Variants in SSBP1 observed in about 807,000 individuals in gnomAD.
The protein encoded by SSBP1 is single stranded DNA binding protein 1, also known as single-stranded DNA-binding protein, mitochondrial.
SSBP1 carries 20 observed loss-of-function variants against 27.0 expected under a neutral mutation model. The ratio of observed to expected loss-of-function variants is 0.74; its 90% CI spans 0.52 to 1.08. The LOEUF (loss-of-function observed/expected upper bound fraction) is 1.08, where lower values mean the gene tolerates loss of function less well. Ranked by LOEUF, SSBP1 falls within the 50% of genes least tolerant of loss-of-function variation. SSBP1 has a pLI of 0.00. For synonymous variants in SSBP1, 59 were observed against 59.3 expected (o/e 1.00, Z 0.02); for missense variants, 137 against 182.4 (o/e 0.75, Z 1.44).
chr7:141,738,625 G>A, intron 1 of SSBP1: 1 of 152,640 alleles, frequency 6.6e-6, no homozygotes, highest in Non-Finnish European at 1.5e-5. Context: ...CTATGGTGTG[G>A]CTGGCTAGCC....
At chr7:141,745,613 T>C in intron 6 of SSBP1, 29 bp downstream of exon 6, 1 of 1,612,434 alleles carries the variant, frequency 6.2e-7, no homozygotes, top group Non-Finnish European at 8.5e-7. Flanking sequence ...TAGCTGTTTT[T>C]TTCTTTTTCT....
At chr7:141,743,350 T>C (rs1274123561) in intron 3 of SSBP1, among the ~76,000 whole-genome samples, 2 of 152,238 alleles carry the variant, frequency 1.3e-5, no homozygotes, top group African/African-American at 4.8e-5. Context: ...TGTCTTCATA[T>C]GGTAGAGACA....
chr7:141,739,117 C>G lies in SSBP1; in HGVS notation c.-43-7C>G. The G allele has an allele frequency of 6.5e-7, 1 of 1,532,530 alleles. No individual in the cohort carries two copies. Among genetic ancestry groups the G allele is most frequent in the African/African-American group, 1.4e-5 (1 of 71,532 alleles). The allele number at this position is 1,532,530 out of a possible 1,614,324, so 94.9% of individuals were successfully genotyped here. A position where few individuals can be genotyped will look rare whatever the true frequency, so the allele number is the denominator to read the frequency against. On this transcript the variant is annotated splice_region_variant and splice_polypyrimidine_tract_variant and intron_variant, in intron 1 of 6. Transcript: ENST00000265304. Reference sequence around the variant, plus strand: ...TGTTTTTTTCTTATTTTGTTTTTTTCCTTCAGGAAAAGCCTAAAGATTAGA... The same window carrying G: ...TGTTTTTTTCTTATTTTGTTTTTTTGCTTCAGGAAAAGCCTAAAGATTAGA...
At position 141,745,650 on chromosome 7, in the gene SSBP1, C is replaced by T. The variant is rs750782813; in HGVS notation, c.403+66C>T. ...CTTTTCTTTTTTAAAAGCTTGGCTA[C>T]ACTGTAACTAACTAGGGTTAAGAGT... On this transcript the variant is annotated intron_variant, in intron 6 of 6. Transcript: ENST00000265304. 4 of 1,596,060 alleles carry T rather than the reference C, an allele frequency of 2.5e-6. No homozygotes were observed. The South Asian group carries it at 4.5e-5, about 18-fold the overall frequency.
intron 5 of SSBP1, among the ~76,000 whole-genome samples, chr7:141,745,216 C>T (rs992257614): frequency 2.0e-5 from 3 of 152,072 alleles, no homozygotes; most frequent in Non-Finnish European, 2.9e-5. Flanking sequence ...TAAATGTTGC[C>T]ACTAAATTTC....
intron 2 of SSBP1, chr7:141,741,851 G>C: frequency 9.9e-7 from 1 of 1,006,190 alleles, no homozygotes; most frequent in South Asian, 4.6e-5. Context: ...ATACTATTTT[G>C]ATTTTTCCTT....
In SSBP1 at chr7:141,739,116, TC is replaced by T. The variant is rs1799406774; in HGVS notation, c.-43-6del. ...ATGTTTTTTTCTTATTTTGTTTTTT[TC>T]CTTCAGGAAAAGCCTAAAGATTAGA... On this transcript the variant is annotated splice_polypyrimidine_tract_variant and splice_region_variant and intron_variant, in intron 1 of 6. Coordinates refer to ENST00000265304, the MANE Select transcript of SSBP1 (RefSeq NM_003143.3). 3 of 1,537,920 alleles carry T rather than the reference TC, an allele frequency of 2.0e-6. No individual in the cohort carries two copies. The highest frequency in any genetic ancestry group is 1.9e-4 in the Middle Eastern group (1 of 5,238).
At chr7:141,738,999 G>A (rs1799399406) in intron 1 of SSBP1, 125 bp from the exon 2 acceptor site, 2 of 515,468 alleles carry the variant, frequency 3.9e-6, no homozygotes, top group East Asian at 6.2e-5. Flanking sequence ...AGGAATGTTG[G>A]TACGTTGTGG....
chr7:141,745,623 TCC>T, intron 6 of SSBP1, 39 bp downstream of exon 6: 1 of 1,611,060 alleles, frequency 6.2e-7, no homozygotes, highest in Non-Finnish European at 8.5e-7. Context: ...TTTCTTTTTC[TCC>T]TTTTCTTTTT....
At chr7:141,742,126 T>G (rs745419996) in intron 2 of SSBP1, 43 bp from the exon 3 acceptor site, 9 of 1,467,778 alleles carry the variant, frequency 6.1e-6, no homozygotes, top group Admixed American at 1.7e-5. Flanking sequence ...CATTTGCCTT[T>G]CCTAAAAAAT....
chr7:141,744,856 G>A (rs1285367625), intron 5 of SSBP1, among the ~76,000 whole-genome samples: 1 of 152,098 alleles, frequency 6.6e-6, no homozygotes, highest in East Asian at 1.9e-4. Flanking sequence ...TTTCTGTGTT[G>A]TACTTTTTTG....
At chr7:141,742,746 CCTTAA>C (rs572536887) in intron 3 of SSBP1, among the ~76,000 whole-genome samples, 44 of 152,320 alleles carry the variant, frequency 2.9e-4, no homozygotes, top group Non-Finnish European at 5.6e-4. Context: ...CTTATTCATT[CCTTAA>C]CTTATTTTCT....
chr7:141,739,322 A>G (rs983414134), intron 2 of SSBP1, 132 bp downstream of exon 2: 1 of 616,850 alleles, frequency 1.6e-6, no homozygotes, highest in Non-Finnish European at 2.6e-6. Flanking sequence ...CTCATTTGAT[A>G]TGGAGGATTG....
intron 6 of SSBP1, chr7:141,746,025 A>G: frequency 2.1e-6 from 2 of 970,278 alleles, no homozygotes; most frequent in Middle Eastern, 5.2e-4. Context: ...GATTTTTTTA[A>G]TTTTATTTTT....
At chr7:141,745,624 C>T (rs1313475510) in intron 6 of SSBP1, 40 bp downstream of exon 6, 2 of 1,610,386 alleles carry the variant, frequency 1.2e-6, no homozygotes, top group South Asian at 2.2e-5. Context: ...TTCTTTTTCT[C>T]CTTTTCTTTT....
At position 141,745,551 on chromosome 7, in the gene SSBP1, A is replaced by G. The variant is rs1482453789; in HGVS notation, c.370A>G (p.Asn124Asp). 6.2e-7 allele frequency: 1 copy of G among 1,613,026 alleles called. No homozygotes were observed. Among genetic ancestry groups the G allele is most frequent in the East Asian group, 2.2e-5 (1 of 44,784 alleles). ...CTATGGTGAATACATGGATAAAAAT[A>G]ATGTGAGGCGACAAGCAACAACAAT... Reference protein sequence around the residue: ...IDYGEYMDKNNVRRQATTIIA... With the variant: ...IDYGEYMDKNDVRRQATTIIA... Residue 124 changes from asparagine to aspartate, a missense_variant, in exon 6 of 7, where the codon AAT (asparagine) becomes GAT (aspartate). By Grantham distance (23) the Asn-to-Asp change is conservative. Transcript: ENST00000265304.
intron 3 of SSBP1, 25 bp downstream of exon 3, chr7:141,742,254 A>G (rs1440605641): frequency 1.9e-6 from 3 of 1,569,502 alleles, no homozygotes; most frequent in Non-Finnish European, 2.6e-6. Context: ...TCCAAGTTTA[A>G]AATGTTATTT....
intron 5 of SSBP1, 116 bp downstream of exon 5, chr7:141,744,105 ATTAAT>A: frequency 1.2e-6 from 1 of 855,424 alleles, no homozygotes; most frequent in Non-Finnish European, 1.8e-6. Context: ...TAATGACTGT[ATTAAT>A]TTAAGAGGTA....
chr7:141,739,333 G>C, intron 2 of SSBP1, 143 bp downstream of exon 2: 1 of 562,458 alleles, frequency 1.8e-6, no homozygotes. Flanking sequence ...TGGAGGATTG[G>C]GGACGATTTT....
Sources: gnomAD v4.1 joint callset for allele counts (sites outside exome capture counted in the v4.1 genomes callset) on GRCh38, gnomAD v4.1.1 for gene constraint, MANE v1.5 for transcripts, NCBI Gene and HGNC (gene_info 2026-07-23, HGNC 2026-07-21) for gene names.